Variants in C8orf74 observed in about 807,000 individuals in gnomAD.
The protein encoded by C8orf74 is chromosome 8 open reading frame 74, also known as uncharacterized protein C8orf74.
A neutral mutation model predicts 22.2 loss-of-function variants in C8orf74; 29 were observed. That is an observed-to-expected ratio of 1.31 (90% CI 0.97 to 1.78). The LOEUF (loss-of-function observed/expected upper bound fraction) is 1.78. Ranked by LOEUF, C8orf74 falls within the 40% of genes most tolerant of loss-of-function variation. The pLI is 0.00. For synonymous variants in C8orf74, 255 were observed against 163.1 expected (o/e 1.56, Z -4.30); for missense variants, 515 against 369.9 (o/e 1.39, Z -3.22).
At chr8:10,700,201 A>G (rs1279371212) in intron 3 of C8orf74, 34 bp from the exon 4 acceptor site, 1 of 1,450,118 alleles carries the variant, frequency 6.9e-7, no homozygotes, top group Non-Finnish European at 9.5e-7. Flanking sequence ...GAGGCTCCCC[A>G]GCCCTGCTCA....
At chr8:10,691,747 C>T (rs1345803435) in intron 2 of C8orf74, 1 of 152,294 alleles carries the variant, frequency 6.6e-6, no homozygotes, top group Non-Finnish European at 1.5e-5. Flanking sequence ...GTTCTTAACC[C>T]CAAGGAATTT....
chr8:10,677,126 G>T (rs1449778045), intron 2 of C8orf74, among the ~76,000 whole-genome samples: 2 of 152,028 alleles, frequency 1.3e-5, no homozygotes, highest in African/African-American at 4.8e-5. Flanking sequence ...TGCCAACTAA[G>T]CTCTTCCAGC....
intron 2 of C8orf74, chr8:10,691,177 G>A (rs1209550178): frequency 3.7e-5 from 13 of 347,974 alleles, no homozygotes; most frequent in Non-Finnish European, 6.3e-5. Context: ...TCAGCCCAGG[G>A]ACTCCTTCCC....
chr8:10,686,845 A>AT (rs1388644353), intron 2 of C8orf74, among the ~76,000 whole-genome samples: 1 of 152,182 alleles, frequency 6.6e-6, no homozygotes, highest in East Asian at 1.9e-4. Flanking sequence ...GTGGTGTCCT[A>AT]TTCCCCTACC....
intron 2 of C8orf74, chr8:10,687,000 G>A (rs993400246): frequency 2.8e-5 from 12 of 431,482 alleles, no homozygotes; most frequent in Non-Finnish European, 5.1e-5. Context: ...CCAGGCAACC[G>A]CCAAGAAGGG....
intron 3 of C8orf74, among the ~76,000 whole-genome samples, chr8:10,698,221 T>C (rs2129059274): frequency 6.6e-6 from 1 of 152,224 alleles, no homozygotes; most frequent in South Asian, 2.1e-4. Context: ...GCAGAGAACA[T>C]TTTAACTCGC....
At chr8:10,698,052 G>A in intron 3 of C8orf74, 47 bp downstream of exon 3, 3 of 1,435,216 alleles carry the variant, frequency 2.1e-6, no homozygotes, top group Non-Finnish European at 2.7e-6. Flanking sequence ...GGCCTGCAGA[G>A]ACACCAGCCA....
At chr8:10,674,009 C>T (rs1402082953) in intron 1 of C8orf74, among the ~76,000 whole-genome samples, 18 of 136,910 alleles carry the variant, frequency 1.3e-4, no homozygotes, top group Admixed American at 5.4e-4. Context: ...TCACATCATA[C>T]CCCGCAACCC....
chr8:10,689,766 A>C (rs931565978), intron 2 of C8orf74: 4 of 152,248 alleles, frequency 2.6e-5, no homozygotes, highest in Non-Finnish European at 5.9e-5. Flanking sequence ...GAAAGTATTA[A>C]GAAAAACATA....
At chr8:10,700,165 G>A (rs1472539466) in intron 3 of C8orf74, 70 bp from the exon 4 acceptor site, 1 of 984,696 alleles carries the variant, frequency 1.0e-6, no homozygotes. Flanking sequence ...CCTGCAACAG[G>A]GGCTGAGTTG....
intron 2 of C8orf74, among the ~76,000 whole-genome samples, chr8:10,697,365 T>C (rs551112711): frequency 8.6e-5 from 13 of 151,980 alleles, no homozygotes; most frequent in African/African-American, 2.2e-4. Flanking sequence ...AGCCTGGAAG[T>C]TGGCGGCTGC....
intron 2 of C8orf74, among the ~76,000 whole-genome samples, chr8:10,677,127 C>T (rs2129056250): frequency 6.6e-6 from 1 of 152,272 alleles, no homozygotes; most frequent in East Asian, 1.9e-4. Context: ...GCCAACTAAG[C>T]TCTTCCAGCT....
intron 2 of C8orf74, among the ~76,000 whole-genome samples, chr8:10,693,648 T>A (rs1400614565): frequency 6.6e-6 from 1 of 152,226 alleles, no homozygotes; most frequent in African/African-American, 2.4e-5. Context: ...GACTGGAAGC[T>A]GTCTGAGGGC....
At chr8:10,682,451 G>A (rs1230482579) in intron 2 of C8orf74, among the ~76,000 whole-genome samples, 5 of 152,162 alleles carry the variant, frequency 3.3e-5, no homozygotes, top group South Asian at 2.1e-4. Flanking sequence ...GGCAGGGCTC[G>A]TTTCTCCCGA....
rs1798939700 is a variant in C8orf74 at position 10,672,659 on chromosome 8, A to C, written c.-7A>C. 6.4e-7 allele frequency: 1 copy of C among 1,563,024 alleles called. No homozygotes were observed. ...GCTCCGTCTCCTGGCAACCAGATGC[A>C]GGGGCCATGGCACTCTTAACACCCC... is the stretch of plus-strand genomic sequence containing the variant. On this transcript the variant is annotated 5_prime_UTR_variant, in exon 1 of 4. Transcript: ENST00000304519.
chr8:10,675,038 T>C (rs946823387), intron 2 of C8orf74, among the ~76,000 whole-genome samples, 200 bp downstream of exon 2: 18 of 152,234 alleles, frequency 1.2e-4, no homozygotes, highest in African/African-American at 2.2e-4. Flanking sequence ...TGAGTCTTCA[T>C]TGGTCTGCCT....
intron 2 of C8orf74, among the ~76,000 whole-genome samples, chr8:10,687,941 C>A (rs1799295272): frequency 6.6e-6 from 1 of 151,966 alleles, no homozygotes; most frequent in Admixed American, 6.6e-5. Flanking sequence ...TGCAGTGGCT[C>A]ACACCTGTAA....
intron 2 of C8orf74, among the ~76,000 whole-genome samples, chr8:10,677,618 G>T (rs772965077): frequency 1.3e-5 from 2 of 151,516 alleles, no homozygotes; most frequent in Non-Finnish European, 2.9e-5. Flanking sequence ...CATAGACCCT[G>T]CCCCCACCAC....
At chr8:10,699,001 TAA>T (rs1167544618) in intron 3 of C8orf74, among the ~76,000 whole-genome samples, 1 of 151,776 alleles carries the variant, frequency 6.6e-6, no homozygotes, top group Non-Finnish European at 1.5e-5. Context: ...CATCCAAGGA[TAA>T]GTCTCCAGAC....
Sources: gnomAD v4.1 joint callset for allele counts (sites outside exome capture counted in the v4.1 genomes callset) on GRCh38, gnomAD v4.1.1 for gene constraint, MANE v1.5 for transcripts, NCBI Gene and HGNC (gene_info 2026-07-23, HGNC 2026-07-21) for gene names.